MGLL: variants seen among roughly 807,000 people sequenced by gnomAD.
The protein encoded by MGLL is monoglyceride lipase, also known as lysophospholipase homolog.
Under a neutral mutation model 29.1 loss-of-function variants are expected in MGLL, and 7 were observed. The observed-to-expected ratio is 0.24, with a 90% CI of 0.14 to 0.45. The LOEUF is 0.45. Ranked by LOEUF, MGLL falls within the 20% of genes least tolerant of loss-of-function variation. The probability of loss-of-function intolerance (pLI) is 0.99; values close to 1 mark genes in which losing one functional copy is unlikely to be tolerated. For synonymous variants in MGLL, 148 were observed against 168.3 expected, an observed-to-expected ratio of 0.88 and a Z score of 0.93; for missense variants, 356 against 413.6, an observed-to-expected ratio of 0.86 and a Z score of 1.21.
At chr3:127,745,590 T>C (rs1162376273) in intron 3 of MGLL, among the ~76,000 whole-genome samples, 1 of 152,114 alleles carries the variant, frequency 6.6e-6, no homozygotes, top group Non-Finnish European at 1.5e-5. Context: ...GGGTACAATG[T>C]ACATTGCTTG....
chr3:127,700,513 A>G (rs2075458373), intron 6 of MGLL, among the ~76,000 whole-genome samples: 1 of 152,010 alleles, frequency 6.6e-6, no homozygotes, highest in Non-Finnish European at 1.5e-5. Context: ...CTCTTCCCAC[A>G]TGTCTGCCCC....
Position 127,692,098 on chromosome 3 carries a change from T to G in MGLL, c.*100A>C. 1.2e-6 allele frequency: 1 copy of G among 814,786 alleles called. No individual in the cohort carries two copies. Among genetic ancestry groups the G allele is most frequent in the Admixed American group, 3.7e-5 (1 of 26,794 alleles). The allele number at this position is 814,786 out of a possible 1,614,324, so 50.5% of individuals were successfully genotyped here. On this transcript the variant is annotated 3_prime_UTR_variant, in exon 8 of 8. Coordinates refer to ENST00000265052, the MANE Select transcript of MGLL (RefSeq NM_007283.7). ...TAAGGATTTCTCCAATTTCTGATTT[T>G]TTTTTTTTTTTTTTTTTGGCAAGCC... is the stretch of plus-strand genomic sequence containing the variant.
chr3:127,777,793 C>G (rs921105182), intron 3 of MGLL, among the ~76,000 whole-genome samples: 1 of 152,174 alleles, frequency 6.6e-6, no homozygotes. Flanking sequence ...GCCACACGTT[C>G]CTCACTTATA....
intron 6 of MGLL, among the ~76,000 whole-genome samples, chr3:127,706,929 G>A (rs984144678): frequency 6.6e-6 from 1 of 152,182 alleles, no homozygotes; most frequent in Non-Finnish European, 1.5e-5. Context: ...GGAGCCTTCC[G>A]AGGGCCTCTG....
At position 127,821,740 on chromosome 3, in the gene MGLL, C is replaced by T. The variant is rs1017994751; in HGVS notation, c.109G>A (p.Gly37Arg). 1.2e-6 allele frequency: 2 copies of T among 1,614,108 alleles called. No individual in the cohort carries two copies. The highest frequency in any genetic ancestry group is 1.3e-5 in the African/African-American group (1 of 75,016). ...QDLPHLVNAD[G>R]QYLFCRYWKP... is the part of the protein sequence containing the mutation. Reference sequence around the variant, plus strand: ...CAGTACCTGCAGAAGAGGTACTGTCCGTCTGCATTGACCAGGTGAGGGAGG... The same window carrying T: ...CAGTACCTGCAGAAGAGGTACTGTCTGTCTGCATTGACCAGGTGAGGGAGG... The change falls in exon 2 of 8, where the codon GGA becomes AGA. Residue 37 changes from glycine to arginine, a missense_variant. Physicochemically the swap from Gly to Arg is moderately radical, Grantham distance 125 (BLOSUM62 -2). Coordinates refer to ENST00000265052, the MANE Select transcript of MGLL (RefSeq NM_007283.7).
chr3:127,794,752 G>A (rs555861206), intron 2 of MGLL, among the ~76,000 whole-genome samples: 11 of 152,268 alleles, frequency 7.2e-5, no homozygotes, highest in African/African-American at 2.6e-4. Context: ...ATGTAAGACT[G>A]TCTTTTATGA....
chr3:127,718,360 G>A (rs2075855607), intron 5 of MGLL, among the ~76,000 whole-genome samples: 1 of 152,194 alleles, frequency 6.6e-6, no homozygotes, highest in South Asian at 2.1e-4. Context: ...GCCACACTCA[G>A]GGAAGCCCCT....
At chr3:127,754,633 G>A (rs567171371) in intron 3 of MGLL, among the ~76,000 whole-genome samples, 1 of 152,240 alleles carries the variant, frequency 6.6e-6, no homozygotes. Flanking sequence ...CACCACTCAG[G>A]CTGTTGGTCC....
At chr3:127,806,843 A>G (rs1040816995) in intron 2 of MGLL, among the ~76,000 whole-genome samples, 1 of 152,208 alleles carries the variant, frequency 6.6e-6, no homozygotes, top group African/African-American at 2.4e-5. Context: ...CCTGGCTAAC[A>G]TGATGAAATC....
intron 3 of MGLL, among the ~76,000 whole-genome samples, chr3:127,774,381 C>A (rs904094984): frequency 6.6e-6 from 1 of 152,262 alleles, no homozygotes; most frequent in African/African-American, 2.4e-5. Context: ...CTGCACTTGG[C>A]AGGACATAAC....
At chr3:127,797,690 C>T (rs2107732319) in intron 2 of MGLL, among the ~76,000 whole-genome samples, 1 of 152,294 alleles carries the variant, frequency 6.6e-6, no homozygotes, top group Middle Eastern at 3.4e-3. Context: ...TCACTGCAGC[C>T]TCAAACTCCC....
At chr3:127,810,772 T>C (rs2077648602) in intron 2 of MGLL, among the ~76,000 whole-genome samples, 1 of 152,236 alleles carries the variant, frequency 6.6e-6, no homozygotes, top group Admixed American at 6.5e-5. Flanking sequence ...CCTCCTTTGC[T>C]GTCCAGCACA....
chr3:127,747,060 T>A (rs556965649), intron 3 of MGLL, among the ~76,000 whole-genome samples: 30 of 152,312 alleles, frequency 2.0e-4, no homozygotes, highest in Admixed American at 1.6e-3. Flanking sequence ...TGTGTCCCTG[T>A]CTCTGTTCCC....
intron 2 of MGLL, among the ~76,000 whole-genome samples, chr3:127,814,309 A>G (rs1448444760): frequency 6.6e-6 from 1 of 152,046 alleles, no homozygotes; most frequent in Admixed American, 6.6e-5. Flanking sequence ...ACCCCGTTTC[A>G]CTCGCTGACC....
chr3:127,811,322 C>A (rs891296482), intron 2 of MGLL, among the ~76,000 whole-genome samples: 23 of 152,166 alleles, frequency 1.5e-4, no homozygotes, highest in Admixed American at 1.5e-3. Context: ...AACATGAATT[C>A]TGCCCTGGAG....
At chr3:127,818,498 G>A (rs1324926756) in intron 2 of MGLL, among the ~76,000 whole-genome samples, 1 of 152,014 alleles carries the variant, frequency 6.6e-6, no homozygotes, top group Non-Finnish European at 1.5e-5. Context: ...TGTGTACCAC[G>A]GAACCCAGCT....
chr3:127,741,716 G>A (rs2076344095), intron 3 of MGLL, among the ~76,000 whole-genome samples: 1 of 152,220 alleles, frequency 6.6e-6, no homozygotes, highest in Non-Finnish European at 1.5e-5. Flanking sequence ...CCTTCTACTA[G>A]ACAAAGCCTT....
At chr3:127,815,503 A>G (rs1029958971) in intron 2 of MGLL, among the ~76,000 whole-genome samples, 1 of 152,248 alleles carries the variant, frequency 6.6e-6, no homozygotes, top group African/African-American at 2.4e-5. Context: ...CGTCTTTGCC[A>G]TGACGCGGCC....
intron 3 of MGLL, among the ~76,000 whole-genome samples, chr3:127,765,455 G>A (rs1011374143): frequency 6.6e-6 from 1 of 152,232 alleles, no homozygotes; most frequent in Non-Finnish European, 1.5e-5. Context: ...GTCTCCAGGA[G>A]TGTCCATTTG....
Sources: allele counts gnomAD v4.1 joint callset (sites outside exome capture counted in the v4.1 genomes callset), GRCh38; gene constraint gnomAD v4.1.1; transcripts MANE v1.5; gene names NCBI Gene and HGNC (gene_info 2026-07-23, HGNC 2026-07-21).